SEPTIN6: variants seen among roughly 807,000 people sequenced by gnomAD.
SEPTIN6 encodes septin-6.
In SEPTIN6, 8 loss-of-function variants were observed where a neutral mutation model predicts 33.6. The ratio of observed to expected loss-of-function variants is 0.24; its 90% CI spans 0.14 to 0.43. The LOEUF is 0.43. SEPTIN6 is among the 20% of genes least tolerant of loss of function. The probability of loss-of-function intolerance (pLI) is 1.00; values close to 1 mark genes in which losing one functional copy is unlikely to be tolerated. For synonymous variants in SEPTIN6, 131 were observed against 140.0 expected, an observed-to-expected ratio of 0.94 and a Z score of 0.45; for missense variants, 250 against 340.8, an observed-to-expected ratio of 0.73 and a Z score of 2.10.
intron 8 of SEPTIN6, among the ~76,000 whole-genome samples, chrX:119,632,340 C>T (rs938838493): frequency 3.6e-4 from 40 of 109,882 alleles, no homozygotes; most frequent in African/African-American, 1.2e-3. Context: ...GGACTACAGG[C>T]GCCCGCCACC....
At chrX:119,657,743 G>A (rs893060105) in intron 3 of SEPTIN6, among the ~76,000 whole-genome samples, 6 of 111,372 alleles carry the variant, frequency 5.4e-5, no homozygotes, top group African/African-American at 2.0e-4. Flanking sequence ...GAACTTTTGG[G>A]CTCAAGTGAT....
chrX:119,666,832 A>C, intron 2 of SEPTIN6, among the ~76,000 whole-genome samples: 1 of 111,521 alleles, frequency 9.0e-6, no homozygotes, highest in Non-Finnish European at 1.9e-5. Context: ...GGGAGGTGGC[A>C]GACTTGGCCA....
At chrX:119,658,123 T>C (rs7057353) in intron 3 of SEPTIN6, among the ~76,000 whole-genome samples, 1,671 of 111,876 alleles carry the variant, frequency 0.015, 26 homozygotes, top group African/African-American at 0.052. Context: ...CGAAAGTCCG[T>C]CTCAAAAAAA....
intron 1 of SEPTIN6, among the ~76,000 whole-genome samples, chrX:119,682,491 A>G (rs1003458960): frequency 4.5e-5 from 5 of 110,966 alleles, no homozygotes; most frequent in Non-Finnish European, 7.5e-5. Context: ...CCTCATCTGC[A>G]GTCACCTGTG....
intron 3 of SEPTIN6, among the ~76,000 whole-genome samples, chrX:119,655,027 G>A (rs774781796): frequency 9.0e-6 from 1 of 110,551 alleles, no homozygotes; most frequent in Admixed American, 9.7e-5. Context: ...TCTCAATTAC[G>A]TAATTTTTTT....
chrX:119,623,835 T>C (rs2053810192), intron 10 of SEPTIN6, among the ~76,000 whole-genome samples: 1 of 111,557 alleles, frequency 9.0e-6, no homozygotes, highest in Non-Finnish European at 1.9e-5. Context: ...TGAGACTCCG[T>C]CTCAAAAAAA....
Position 119,618,141 on chromosome X carries a change from G to GCTA in SEPTIN6, c.*1949_*1951dup. On this transcript the variant is annotated 3_prime_UTR_variant, in exon 11 of 11. Coordinates refer to ENST00000394610, the MANE Select transcript of SEPTIN6 (RefSeq NM_145799.4). Reference sequence around the variant, plus strand: ...CAGGCCTAACTCAGCATCTCTCTGAGCTACTGGCTGAGTATCTGAGCAGAT... The same window carrying GCTA: ...CAGGCCTAACTCAGCATCTCTCTGAGCTACTACTGGCTGAGTATCTGAGCAGAT... The GCTA allele has an allele frequency of 1.3e-6, 1 of 782,898 alleles. No homozygotes were observed. Among genetic ancestry groups the GCTA allele is most frequent in the Non-Finnish European group, 1.5e-6 (1 of 656,578 alleles). The allele number at this position is 782,898 out of a possible 1,213,427, so 64.5% of individuals were successfully genotyped here. A position where few individuals can be genotyped will look rare whatever the true frequency, so the allele number is the denominator to read the frequency against.
Position 119,631,471 on chromosome X carries a change from C to T in SEPTIN6, c.1089+1889G>A, listed in dbSNP as rs932503103. Among the ~76,000 whole-genome samples the T allele has an allele frequency of 5.5e-4, 61 of 111,698 alleles. 1 individual carries two copies. Among genetic ancestry groups the T allele is most frequent in the Admixed American group, 4.7e-3 (49 of 10,523 alleles). On this transcript the variant is annotated intron_variant, in intron 8 of 10. Coordinates refer to ENST00000394610, the MANE Select transcript of SEPTIN6 (RefSeq NM_145799.4). Reference sequence around the variant, plus strand: ...TTGGGATTACAGGCATGAGCCACCACGCCTGGCCTAAAGCAGCTCTTACTA... The same window carrying T: ...TTGGGATTACAGGCATGAGCCACCATGCCTGGCCTAAAGCAGCTCTTACTA...
At chrX:119,654,151 C>T (rs778554443) in intron 3 of SEPTIN6, among the ~76,000 whole-genome samples, 2 of 111,348 alleles carry the variant, frequency 1.8e-5, no homozygotes. Flanking sequence ...CACACATGGA[C>T]ACAGGCCCGC....
chrX:119,617,383 C>G lies in SEPTIN6; in HGVS notation c.*2710G>C. 2 of 803,817 alleles carry G rather than the reference C, an allele frequency of 2.5e-6. No homozygotes were observed. Among genetic ancestry groups the G allele is most frequent in the East Asian group, 7.1e-5 (1 of 14,042 alleles). 66.2% of individuals were successfully genotyped at this position (803,817 alleles called of 1,213,427 possible). ...TGATCAACTTTTTAATTTATGTTCA[C>G]TCATGGGTTCGATTTTTGTTCACCA... is the stretch of plus-strand genomic sequence containing the variant. On this transcript the variant is annotated 3_prime_UTR_variant, in exon 11 of 11. Transcript: ENST00000394610.
chrX:119,627,952 C>T (rs2147457607), intron 9 of SEPTIN6, among the ~76,000 whole-genome samples: 1 of 107,055 alleles, frequency 9.3e-6, no homozygotes, highest in East Asian at 2.9e-4. Flanking sequence ...GCGCACGCCA[C>T]CACGCCTGGC....
chrX:119,682,975 AG>A (rs2054989285), intron 1 of SEPTIN6, among the ~76,000 whole-genome samples: 1 of 112,650 alleles, frequency 8.9e-6, no homozygotes, highest in Admixed American at 9.4e-5. Context: ...GAAAGCGGCC[AG>A]GTACGGTGGC....
At chrX:119,659,077 T>C (rs2054497956) in intron 3 of SEPTIN6, among the ~76,000 whole-genome samples, 1 of 112,455 alleles carries the variant, frequency 8.9e-6, no homozygotes, top group African/African-American at 3.2e-5. Flanking sequence ...ATAAAAATAT[T>C]CTCTGATGTT....
intron 2 of SEPTIN6, 108 bp downstream of exon 2, chrX:119,675,446 C>A (rs1056212731): frequency 1.5e-5 from 6 of 391,654 alleles, no homozygotes; most frequent in African/African-American, 2.6e-5. Flanking sequence ...GACACTCTCG[C>A]AACTAAATCA....
intron 10 of SEPTIN6, among the ~76,000 whole-genome samples, chrX:119,624,679 A>C (rs2053833009): frequency 9.0e-6 from 1 of 111,142 alleles, no homozygotes; most frequent in African/African-American, 3.3e-5. Context: ...TCTCATCACC[A>C]CGGTTTCATT....
At chrX:119,666,061 G>A (rs1349746363) in intron 2 of SEPTIN6, among the ~76,000 whole-genome samples, 2 of 100,585 alleles carry the variant, frequency 2.0e-5, no homozygotes, top group South Asian at 4.8e-4. Flanking sequence ...CAGCCTGGGC[G>A]ACAGAGTGAG....
chrX:119,637,936 C>G (rs2054097249), intron 6 of SEPTIN6, among the ~76,000 whole-genome samples: 1 of 112,187 alleles, frequency 8.9e-6, no homozygotes, highest in Admixed American at 9.5e-5. Context: ...AAGAGAAAAT[C>G]TCTAAGATGA....
intron 10 of SEPTIN6, chrX:119,623,976 T>A: frequency 3.8e-6 from 1 of 262,424 alleles, no homozygotes; most frequent in Admixed American, 4.1e-5. Flanking sequence ...CCCTATAAAC[T>A]ATGTGAAACT....
intron 10 of SEPTIN6, among the ~76,000 whole-genome samples, chrX:119,620,524 T>C (rs1413719866): frequency 9.1e-6 from 1 of 110,194 alleles, no homozygotes; most frequent in African/African-American, 3.3e-5. Flanking sequence ...TTTCACCGTG[T>C]TAGCCAGGAT....
Sources: gnomAD v4.1 joint callset for allele counts (sites outside exome capture counted in the v4.1 genomes callset) on GRCh38, gnomAD v4.1.1 for gene constraint, MANE v1.5 for transcripts, NCBI Gene and HGNC (gene_info 2026-07-23, HGNC 2026-07-21) for gene names.